Variants in ZP4 observed in about 807,000 individuals in gnomAD.
The protein encoded by ZP4 is zona pellucida glycoprotein 4.
Under a neutral mutation model 62.3 loss-of-function variants are expected in ZP4, and 62 were observed. The ratio of observed to expected loss-of-function variants is 0.99; its 90% CI spans 0.81 to 1.23. The LOEUF (loss-of-function observed/expected upper bound fraction) is 1.23. Among genes scored for constraint, ZP4 ranks in the 50% most tolerant of loss-of-function variants. The pLI is 0.00. For missense variants in ZP4, 774 were observed against 656.0 expected, an observed-to-expected ratio of 1.18 and a Z score of -1.97; for synonymous variants, 289 against 247.3, an observed-to-expected ratio of 1.17 and a Z score of -1.58.
At chr1:237,883,753 GAGAGAGAGGGAGAGAGAGGA>G (rs1290947860) in intron 10 of ZP4, among the ~76,000 whole-genome samples, 1,628 of 59,568 alleles carry the variant, frequency 0.027, 95 homozygotes, top group Non-Finnish European at 0.032. Context: ...GAGAGAGAGG[GAGAGAGAGGGAGAGAGAGGA>G]AGAGAGAGGA....
Position 237,882,505 on chromosome 1 carries a change from C to CA in ZP4, c.1539dup (p.Gly514TrpfsTer?). 2 of 1,608,182 alleles carry CA rather than the reference C, an allele frequency of 1.2e-6. No homozygotes were observed. The highest frequency in any genetic ancestry group is 1.7e-6 in the Non-Finnish European group (2 of 1,178,444). On this transcript the variant is annotated frameshift_variant, in exon 12 of 12. Coordinates refer to ENST00000366570, the MANE Select transcript of ZP4 (RefSeq NM_021186.5). LOFTEE classifies it low-confidence loss of function (END_TRUNC). ...AACAAGGCTCCAAGGATTAAGGTCC[C>CA]AGAAAGGCCTGCCACCCACAGAACT...
Position 237,890,470 on chromosome 1 carries a change from T to A in ZP4, c.166A>T (p.Ile56Leu), listed in dbSNP as rs765146584. The change falls in exon 1 of 12, where the codon ATA (isoleucine) becomes TTA (leucine). Residue 56 changes from isoleucine (I) to leucine (L), a missense_variant. Physicochemically the swap from Ile to Leu is conservative, Grantham distance 5. Transcript: ENST00000366570. ...NQEATSPPVL[I>L]AWDNQGLLHE... Reference sequence around the variant, plus strand: ...AAGTCATCAAACTTACCCCAAGCTATTAGTACAGGAGGAGACGTTGCCTCC... The same window carrying A: ...AAGTCATCAAACTTACCCCAAGCTAATAGTACAGGAGGAGACGTTGCCTCC... The A allele has an allele frequency of 6.2e-7, 1 of 1,610,782 alleles. No individual in the cohort carries two copies. The highest frequency in any genetic ancestry group is 1.7e-5 in the Admixed American group (1 of 59,272).
In ZP4 at chr1:237,887,572, G is replaced by A. The variant is rs1291143848; in HGVS notation, c.554-11C>T. 6.2e-7 allele frequency: 1 copy of A among 1,611,580 alleles called. No individual in the cohort carries two copies. Among genetic ancestry groups the A allele is most frequent in the Admixed American group, 1.7e-5 (1 of 59,770 alleles). On this transcript the variant is annotated splice_polypyrimidine_tract_variant and intron_variant, in intron 4 of 11. Coordinates refer to ENST00000366570, the MANE Select transcript of ZP4 (RefSeq NM_021186.5). ...TACAATGCAAGGTCACTGAAACAGA[G>A]CAGCTGTGCTGAAGGCAGGTCATCT...
intron 10 of ZP4, 55 bp downstream of exon 10, chr1:237,884,714 A>G: frequency 6.6e-7 from 1 of 1,526,538 alleles, no homozygotes; most frequent in South Asian, 1.2e-5. Context: ...AGGAAAGGTT[A>G]GACATGGGAC....
chr1:237,886,285 A>T (rs1177112757), intron 6 of ZP4, among the ~76,000 whole-genome samples: 1 of 152,192 alleles, frequency 6.6e-6, no homozygotes, highest in East Asian at 1.9e-4. Flanking sequence ...CCAGGCTGCA[A>T]TCGGGGAATA....
At chr1:237,884,643 C>CA in intron 10 of ZP4, 126 bp downstream of exon 10, 1 of 810,438 alleles carries the variant, frequency 1.2e-6, no homozygotes, top group Non-Finnish European at 2.0e-6. Context: ...TATGGCACCG[C>CA]AAGTACTTAG....
At position 237,886,791 on chromosome 1, in the gene ZP4, GAC is replaced by G. The variant is rs1403830911; in HGVS notation, c.817_818del (p.Val273HisfsTer3). On this transcript the variant is annotated frameshift_variant, in exon 6 of 12. Coordinates refer to ENST00000366570, the MANE Select transcript of ZP4 (RefSeq NM_021186.5). LOFTEE classifies it high-confidence loss of function. ...CTTACCTGAAGATGCTGTCACGAGT[GAC>G]AGAGCCACGGCTCCCATTTTTCACA... ...RDVKNGSRGS[V>X]TRDSIFRLHV... The G allele has an allele frequency of 2.5e-6, 4 of 1,613,920 alleles. No homozygotes were observed. The highest frequency in any genetic ancestry group is 3.4e-6 in the Non-Finnish European group (4 of 1,179,980).
In ZP4 at chr1:237,888,382, T is replaced by A. The variant is rs902379120; in HGVS notation, c.529A>T (p.Asn177Tyr). 3 of 1,590,274 alleles carry A rather than the reference T, an allele frequency of 1.9e-6. No homozygotes were observed. Among genetic ancestry groups the A allele is most frequent in the Non-Finnish European group, 2.6e-6 (3 of 1,162,792 alleles). ...LGCCYSSEEV[N>Y]SCYYGNTVTL... is the part of the protein sequence containing the mutation. ...CCAGTGTTTCCATAGTAGCAGGAATTCACCTCTTCAGAGCTATAACAACAG... is the reference window on the plus strand; with the variant it reads ...CCAGTGTTTCCATAGTAGCAGGAATACACCTCTTCAGAGCTATAACAACAG... The change falls in exon 4 of 12, where the codon AAT becomes TAT. Residue 177 changes from asparagine (N) to tyrosine (Y), a missense_variant. Physicochemically the swap from Asn to Tyr is moderately radical, Grantham distance 143 (BLOSUM62 -2). Transcript: ENST00000366570.
chr1:237,884,969 T>A, intron 9 of ZP4, 122 bp from the exon 10 acceptor site: 1 of 1,235,108 alleles, frequency 8.1e-7, no homozygotes, highest in Non-Finnish European at 1.1e-6. Context: ...TCCAAGTTGA[T>A]ATCACAATGG....
intron 3 of ZP4, among the ~76,000 whole-genome samples, chr1:237,888,993 G>A (rs897241827): frequency 6.6e-6 from 1 of 152,176 alleles, no homozygotes; most frequent in Non-Finnish European, 1.5e-5. Flanking sequence ...TATAGTTTGA[G>A]TCTGTTCTGA....
chr1:237,890,775 G>A lies in ZP4; in HGVS notation c.-140C>T. 1.1e-6 allele frequency: 1 copy of A among 950,862 alleles called. No homozygotes were observed. The highest frequency in any genetic ancestry group is 3.1e-5 in the Admixed American group (1 of 32,048). The allele number at this position is 950,862 out of a possible 1,614,324, so 58.9% of individuals were successfully genotyped here. On this transcript the variant is annotated 5_prime_UTR_variant, in exon 1 of 12. Transcript: ENST00000366570. ...CATCTTTGTGACACTCAGGTGGGAT[G>A]CCTTCAGAAAGGGGAATTCCTCTAG... is the stretch of plus-strand genomic sequence containing the variant.
At chr1:237,885,982 A>G in intron 6 of ZP4, 96 bp from the exon 7 acceptor site, 1 of 1,533,286 alleles carries the variant, frequency 6.5e-7, no homozygotes, top group East Asian at 2.3e-5. Flanking sequence ...TAAGTGCTAG[A>G]CAAGTTTATA....
At chr1:237,889,317 T>A (rs1038381552) in intron 3 of ZP4, among the ~76,000 whole-genome samples, 7 of 79,536 alleles carry the variant, frequency 8.8e-5, no homozygotes, top group Admixed American at 4.1e-4. Context: ...TAGGTTGTAT[T>A]TTTTTTTTTT....
chr1:237,887,016 T>C (rs1665119143), intron 5 of ZP4, 148 bp from the exon 6 acceptor site: 4 of 713,298 alleles, frequency 5.6e-6, no homozygotes, highest in South Asian at 1.8e-5. Flanking sequence ...AGCAGTGACA[T>C]CCTGGCAAGT....
At position 237,886,977 on chromosome 1, in the gene ZP4, C is replaced by T. The variant is rs930960856; in HGVS notation, c.742-109G>A. 16 of 941,456 alleles carry T rather than the reference C, an allele frequency of 1.7e-5. No individual in the cohort carries two copies. The Admixed American group carries it at 2.4e-4, about 14-fold the overall frequency. 58.3% of individuals were successfully genotyped at this position (941,456 alleles called of 1,614,324 possible). On this transcript the variant is annotated intron_variant, in intron 5 of 11. Coordinates refer to ENST00000366570, the MANE Select transcript of ZP4 (RefSeq NM_021186.5). ...GCTACCCTGTTGTATGGTATATTTC[C>T]TATTACTTCAGCAGAGGTAAGAACA...
chr1:237,885,509 C>A lies in ZP4; in HGVS notation c.1042G>T (p.Val348Leu), dbSNP rs150140015. 5 of 1,614,008 alleles carry A rather than the reference C, an allele frequency of 3.1e-6. No individual in the cohort carries two copies. Among genetic ancestry groups the A allele is most frequent in the South Asian group, 2.2e-5 (2 of 91,088 alleles). Residue 348 changes from valine (V) to leucine (L), a missense_variant, in exon 8 of 12, where the codon GTG becomes TTG. Physicochemically the swap from Val to Leu is conservative, Grantham distance 32. Coordinates refer to ENST00000366570, the MANE Select transcript of ZP4 (RefSeq NM_021186.5). Reference protein sequence around the residue: ...VVKLLRDPIYVEVSILHRTDP... With the variant: ...VVKLLRDPIYLEVSILHRTDP... Reference sequence around the variant, plus strand: ...GTTCTGTGAAGGATGGAGACCTCCACGTAAATGGGATCCCGAAGCAACTTC... The same window carrying A: ...GTTCTGTGAAGGATGGAGACCTCCAAGTAAATGGGATCCCGAAGCAACTTC...
chr1:237,882,911 G>T, intron 10 of ZP4, 65 bp from the exon 11 acceptor site: 1 of 1,416,426 alleles, frequency 7.1e-7, no homozygotes, highest in Non-Finnish European at 9.8e-7. Context: ...GATAGAAAAT[G>T]TTATGGTGCA....
At position 237,885,540 on chromosome 1, in the gene ZP4, T is replaced by G; in HGVS notation, c.1011A>C (p.Pro337=). The stretch of plus-strand genomic sequence containing the variant: ...TGGGATCCCGAAGCAACTTCACCAC[T>G]GGGTAGTCACCAACACCGTAGTAAG... ...YGSYYGVGDY[P]VVKLLRDPIY... is the part of the protein sequence containing the mutation. Residue 337 remains proline, a synonymous_variant, in exon 8 of 12, where the codon CCA becomes CCC. Transcript: ENST00000366570. 1 of 1,614,164 alleles carries G rather than the reference T, an allele frequency of 6.2e-7. No homozygotes were observed. The highest frequency in any genetic ancestry group is 1.1e-5 in the South Asian group (1 of 91,090).
At chr1:237,888,881 G>C (rs1251243983) in intron 3 of ZP4, among the ~76,000 whole-genome samples, 5 of 152,166 alleles carry the variant, frequency 3.3e-5, no homozygotes, top group African/African-American at 1.2e-4. Context: ...TTTGAGTTCA[G>C]GTCTGGTTCA....
Sources: allele counts gnomAD v4.1 joint callset (sites outside exome capture counted in the v4.1 genomes callset), GRCh38; gene constraint gnomAD v4.1.1; transcripts MANE v1.5; gene names NCBI Gene and HGNC (gene_info 2026-07-23, HGNC 2026-07-21).